Variants in EXT1 observed in about 807,000 individuals in gnomAD.
The protein encoded by EXT1 is exostosin-1.
Under a neutral mutation model 82.5 loss-of-function variants are expected in EXT1, and 20 were observed. The ratio of observed to expected loss-of-function variants is 0.24; its 90% CI spans 0.17 to 0.35. The LOEUF (loss-of-function observed/expected upper bound fraction) is 0.35. Among genes scored for constraint, EXT1 ranks in the 10% least tolerant of loss-of-function variants. EXT1 has a pLI of 1.00. For synonymous variants in EXT1, 348 were observed against 350.8 expected, an observed-to-expected ratio of 0.99 and a Z score of 0.09; for missense variants, 757 against 936.5, an observed-to-expected ratio of 0.81 and a Z score of 2.50.
intron 1 of EXT1, among the ~76,000 whole-genome samples, chr8:118,042,940 A>C (rs2129906879): frequency 6.6e-6 from 1 of 151,742 alleles, no homozygotes; most frequent in South Asian, 2.1e-4. Context: ...TTATTATCTC[A>C]CTCCCTTACA....
chr8:117,968,054 T>C (rs546101789), intron 1 of EXT1, among the ~76,000 whole-genome samples: 1 of 152,370 alleles, frequency 6.6e-6, no homozygotes, highest in African/African-American at 2.4e-5. Flanking sequence ...TATCTACATA[T>C]ACATGTATCT....
At chr8:117,923,670 A>G (rs1258436128) in intron 1 of EXT1, among the ~76,000 whole-genome samples, 7 of 149,202 alleles carry the variant, frequency 4.7e-5, no homozygotes, top group South Asian at 2.1e-4. Flanking sequence ...AGCTGGCAGT[A>G]AGCCGAGATC....
At chr8:118,086,819 CAATT>C (rs879935209) in intron 1 of EXT1, among the ~76,000 whole-genome samples, 1 of 152,128 alleles carries the variant, frequency 6.6e-6, no homozygotes, top group Non-Finnish European at 1.5e-5. Flanking sequence ...TTCCTGTAAG[CAATT>C]AGTTTTGTAG....
chr8:118,064,590 T>G (rs1005244985), intron 1 of EXT1, among the ~76,000 whole-genome samples: 2 of 152,236 alleles, frequency 1.3e-5, no homozygotes, highest in African/African-American at 2.4e-5. Flanking sequence ...GATGGGCATC[T>G]GGGTTGGTTC....
intron 1 of EXT1, among the ~76,000 whole-genome samples, chr8:118,061,355 A>G (rs566375993): frequency 6.1e-4 from 93 of 152,330 alleles, no homozygotes; most frequent in African/African-American, 2.1e-3. Flanking sequence ...ACATTTGTAA[A>G]TCAAGAGTCT....
rs145113945 is a variant in EXT1 at position 117,873,692 on chromosome 8, G to A, written c.963-36491C>T. The stretch of plus-strand genomic sequence containing the variant: ...TCTGGTCTTGAAATCCTGGCCTCAT[G>A]TGATCTGCCCGCCTTGGACTCCCAA... On this transcript the variant is annotated intron_variant, in intron 1 of 10. Coordinates refer to ENST00000378204, the MANE Select transcript of EXT1 (RefSeq NM_000127.3). Among the ~76,000 whole-genome samples the A allele has an allele frequency of 2.7e-3, 404 of 152,276 alleles. 2 individuals carry two copies. The highest frequency in any genetic ancestry group is 0.01 in the Middle Eastern group (3 of 294).
intron 8 of EXT1, among the ~76,000 whole-genome samples, chr8:117,809,245 T>TATATATATATATGTATGTATATATA (rs1563874289): frequency 1.5e-5 from 1 of 66,050 alleles, no homozygotes; most frequent in African/African-American, 3.9e-5. Flanking sequence ...ATATATATAT[T>TATATATATATATGTATGTATATATA]ATGTTCTATT....
intron 1 of EXT1, among the ~76,000 whole-genome samples, chr8:118,006,433 C>T (rs547917073): frequency 5.3e-4 from 80 of 152,246 alleles, no homozygotes; most frequent in Non-Finnish European, 9.7e-4. Flanking sequence ...ATGAGCTCTG[C>T]CCTTTTAGAA....
At chr8:117,804,405 A>G (rs186386421) in intron 10 of EXT1, among the ~76,000 whole-genome samples, 1 of 152,308 alleles carries the variant, frequency 6.6e-6, no homozygotes, top group East Asian at 1.9e-4. Context: ...CTGTTATTTA[A>G]GTCACCCAGT....
intron 1 of EXT1, among the ~76,000 whole-genome samples, chr8:118,050,561 A>G (rs950355165): frequency 2.0e-5 from 3 of 152,222 alleles, no homozygotes; most frequent in Non-Finnish European, 2.9e-5. Context: ...TACAAGCCAT[A>G]TGGTCTCTCT....
At chr8:117,914,326 G>A (rs1231291374) in intron 1 of EXT1, among the ~76,000 whole-genome samples, 2 of 152,152 alleles carry the variant, frequency 1.3e-5, no homozygotes, top group Non-Finnish European at 2.9e-5. Context: ...TGTACGTCAG[G>A]ACCACTGTGA....
At chr8:118,017,331 C>T (rs1054480587) in intron 1 of EXT1, among the ~76,000 whole-genome samples, 3 of 152,122 alleles carry the variant, frequency 2.0e-5, no homozygotes, top group African/African-American at 7.2e-5. Context: ...ACAAATCTCA[C>T]TTTTAAGAGG....
intron 1 of EXT1, among the ~76,000 whole-genome samples, chr8:117,919,596 C>T (rs1248343964): frequency 6.6e-6 from 1 of 151,620 alleles, no homozygotes; most frequent in Non-Finnish European, 1.5e-5. Flanking sequence ...CTTCAAACTC[C>T]TGGGCTCAAG....
At chr8:117,956,209 C>T (rs745806564) in intron 1 of EXT1, among the ~76,000 whole-genome samples, 18 of 150,526 alleles carry the variant, frequency 1.2e-4, no homozygotes, top group East Asian at 3.9e-4. Flanking sequence ...GGATCCCAGA[C>T]GCTGAAACAG....
intron 7 of EXT1, among the ~76,000 whole-genome samples, chr8:117,813,588 A>C (rs765770524): frequency 9.2e-5 from 14 of 152,378 alleles, no homozygotes; most frequent in Non-Finnish European, 1.5e-4. Context: ...AAACATTTAC[A>C]AATTAAAATA....
At chr8:117,811,359 T>A (rs2129715210) in intron 8 of EXT1, among the ~76,000 whole-genome samples, 1 of 152,288 alleles carries the variant, frequency 6.6e-6, no homozygotes, top group East Asian at 1.9e-4. Context: ...CCTATGAATG[T>A]TAAGCTTATC....
chr8:118,022,315 G>A (rs983973831), intron 1 of EXT1, among the ~76,000 whole-genome samples: 6 of 144,064 alleles, frequency 4.2e-5, no homozygotes, highest in African/African-American at 1.0e-4. Flanking sequence ...TTGGCCGGGC[G>A]CATATATATT....
intron 1 of EXT1, among the ~76,000 whole-genome samples, chr8:117,958,395 A>C (rs1273597252): frequency 6.6e-6 from 1 of 152,224 alleles, no homozygotes; most frequent in Non-Finnish European, 1.5e-5. Flanking sequence ...TGACTTCCCG[A>C]AAGAGCCAAA....
chr8:117,820,852 C>T (rs1333852690), intron 5 of EXT1, among the ~76,000 whole-genome samples: 5 of 152,116 alleles, frequency 3.3e-5, no homozygotes, highest in Admixed American at 6.5e-5. Flanking sequence ...ATCTCTTCTT[C>T]GTGTAGCAGT....
Sources: gnomAD v4.1 joint callset for allele counts (sites outside exome capture counted in the v4.1 genomes callset) on GRCh38, gnomAD v4.1.1 for gene constraint, MANE v1.5 for transcripts, NCBI Gene and HGNC (gene_info 2026-07-23, HGNC 2026-07-21) for gene names.